The following ZBTB20 variants were observed in gnomAD, a reference collection of about 807,000 sequenced individuals.
ZBTB20 encodes zinc finger and BTB domain-containing protein 20.
In ZBTB20, 9 loss-of-function variants were observed where a neutral mutation model predicts 56.9. The observed-to-expected ratio is 0.16, with a 90% CI of 0.10 to 0.28. The LOEUF (loss-of-function observed/expected upper bound fraction) is 0.28. ZBTB20 is among the 10% of genes least tolerant of loss of function. The pLI is 1.00. For synonymous variants in ZBTB20, 417 were observed against 420.7 expected (o/e 0.99, Z 0.11); for missense variants, 655 against 1,003.0 (o/e 0.65, Z 4.69).
rs184935002 is a variant in ZBTB20 at position 115,121,126 on chromosome 3, G to A, written c.-703+26093C>T. Among the ~76,000 whole-genome samples, 206 of 151,980 alleles carry A rather than the reference G, an allele frequency of 1.4e-3. 4 individuals are homozygous for A. The highest frequency in any genetic ancestry group is 0.012 in the Admixed American group (183 of 15,268). On this transcript the variant is annotated intron_variant, in intron 1 of 11. Coordinates refer to ENST00000675478, the MANE Select transcript of ZBTB20 (RefSeq NM_001348800.3). ...ACAAAATTATAACCCGTTGAGCTAC[G>A]GTCAGTTTTATAAACTGTGCCTAAA...
In ZBTB20 at chr3:114,350,646, G is replaced by C. The variant is rs747623097; in HGVS notation, c.1432C>G (p.Arg478Gly). 6.8e-6 allele frequency: 11 copies of C among 1,614,218 alleles called. No homozygotes were observed. Among genetic ancestry groups the C allele is most frequent in the East Asian group, 2.2e-5 (1 of 44,880 alleles). Residue 478 changes from arginine to glycine, a missense_variant, in exon 11 of 12, where the codon CGC (arginine) becomes GGC (glycine). Physicochemically the swap from Arg to Gly is moderately radical, Grantham distance 125. Transcript: ENST00000675478. ...QPLPSTQLYL[R>G]QTETLTSNLR... ...TTGCTGGTGAGGGTTTCTGTCTGGC[G>C]TAAGTAGAGCTGGGTACTTGGCAAT...
At chr3:114,730,763 C>T (rs2065677469) in intron 5 of ZBTB20, among the ~76,000 whole-genome samples, 1 of 152,162 alleles carries the variant, frequency 6.6e-6, no homozygotes. Flanking sequence ...AGTCCACCCA[C>T]CTTGTGGTAT....
intron 2 of ZBTB20, among the ~76,000 whole-genome samples, chr3:115,020,641 T>C (rs2108300779): frequency 6.6e-6 from 1 of 151,152 alleles, no homozygotes; most frequent in Non-Finnish European, 1.5e-5. Flanking sequence ...GACTTTATTG[T>C]ACTGTACTCA....
At chr3:114,890,411 A>G (rs189941331) in intron 4 of ZBTB20, among the ~76,000 whole-genome samples, 3 of 152,326 alleles carry the variant, frequency 2.0e-5, no homozygotes, top group Admixed American at 1.3e-4. Context: ...ACAGAAACAC[A>G]TGGGAGATCT....
intron 7 of ZBTB20, among the ~76,000 whole-genome samples, chr3:114,395,588 C>G (rs1162206983): frequency 1.3e-5 from 2 of 152,128 alleles, no homozygotes; most frequent in African/African-American, 4.8e-5. Context: ...CCAGCCCCAC[C>G]TCTCTGGAAA....
intron 5 of ZBTB20, among the ~76,000 whole-genome samples, chr3:114,720,487 T>C (rs1365460716): frequency 6.6e-6 from 1 of 152,026 alleles, no homozygotes; most frequent in Admixed American, 6.6e-5. Flanking sequence ...TAGAATCCAT[T>C]AGTAGCCTGG....
intron 5 of ZBTB20, among the ~76,000 whole-genome samples, chr3:114,719,146 C>A (rs112083101): frequency 1.6e-5 from 2 of 121,396 alleles, no homozygotes; most frequent in African/African-American, 6.5e-5. Context: ...GGAAAGTGAG[C>A]ATTTTGGTAG....
intron 6 of ZBTB20, among the ~76,000 whole-genome samples, chr3:114,665,552 C>A (rs1264502059): frequency 6.6e-6 from 1 of 151,942 alleles, no homozygotes; most frequent in East Asian, 1.9e-4. Flanking sequence ...TTTTGGCACT[C>A]ATTAAGTAAA....
chr3:114,649,496 G>T (rs2060014511), intron 6 of ZBTB20, among the ~76,000 whole-genome samples: 1 of 151,882 alleles, frequency 6.6e-6, no homozygotes, highest in Non-Finnish European at 1.5e-5. Context: ...AGTGCATAAT[G>T]GACTCAAGTC....
At chr3:114,905,220 T>C (rs191807339) in intron 3 of ZBTB20, among the ~76,000 whole-genome samples, 315 of 152,042 alleles carry the variant, frequency 2.1e-3, no homozygotes, top group Admixed American at 3.4e-3. Context: ...AATTTAAAAA[T>C]GTATTTAAGA....
intron 1 of ZBTB20, among the ~76,000 whole-genome samples, chr3:115,119,124 G>A (rs2084107604): frequency 6.6e-6 from 1 of 152,050 alleles, no homozygotes; most frequent in Non-Finnish European, 1.5e-5. Flanking sequence ...TAATCACTTA[G>A]ATTATCCTAG....
intron 5 of ZBTB20, among the ~76,000 whole-genome samples, chr3:114,764,227 C>T (rs2068627667): frequency 1.4e-5 from 2 of 144,154 alleles, no homozygotes; most frequent in Non-Finnish European, 3.0e-5. Context: ...CTCTCACAAC[C>T]CCCTTCTACC....
chr3:115,058,438 A>G (rs929371295), intron 2 of ZBTB20, among the ~76,000 whole-genome samples: 3 of 151,724 alleles, frequency 2.0e-5, no homozygotes, highest in Non-Finnish European at 4.4e-5. Flanking sequence ...AATTTGAAAT[A>G]TTTTCAGTGG....
chr3:114,485,758 C>T (rs940737902), intron 7 of ZBTB20, among the ~76,000 whole-genome samples: 1 of 152,080 alleles, frequency 6.6e-6, no homozygotes, highest in South Asian at 2.1e-4. Flanking sequence ...TTTTCCTCTT[C>T]CACCCTTTGC....
chr3:114,883,153 T>C (rs1478770785), intron 4 of ZBTB20, among the ~76,000 whole-genome samples: 2 of 152,192 alleles, frequency 1.3e-5, no homozygotes, highest in African/African-American at 4.8e-5. Flanking sequence ...AAAAATATGT[T>C]TGAGACTTAA....
At chr3:114,748,279 CTTCTTTCT>C (rs147900859) in intron 5 of ZBTB20, among the ~76,000 whole-genome samples, 1,778 of 104,210 alleles carry the variant, frequency 0.017, 58 homozygotes, top group African/African-American at 0.037. Flanking sequence ...TTTGTTGTAG[CTTCTTTCT>C]TTCTTTCTTT....
chr3:114,811,957 G>A (rs756707903), intron 4 of ZBTB20, among the ~76,000 whole-genome samples: 5 of 152,162 alleles, frequency 3.3e-5, no homozygotes, highest in African/African-American at 1.2e-4. Context: ...CGTCTCCGCA[G>A]TTTGTTCCTT....
intron 6 of ZBTB20, among the ~76,000 whole-genome samples, chr3:114,586,126 C>T (rs1394288737): frequency 1.3e-5 from 2 of 152,192 alleles, no homozygotes. Flanking sequence ...TTCTGGCTCC[C>T]ATTAAGGGGA....
chr3:114,887,163 A>C (rs2076631463), intron 4 of ZBTB20, among the ~76,000 whole-genome samples: 1 of 152,146 alleles, frequency 6.6e-6, no homozygotes, highest in Admixed American at 6.5e-5. Flanking sequence ...GAAAAGACTC[A>C]TCCATTCATG....
Sources: allele counts gnomAD v4.1 joint callset (sites outside exome capture counted in the v4.1 genomes callset), GRCh38; gene constraint gnomAD v4.1.1; transcripts MANE v1.5; gene names NCBI Gene and HGNC (gene_info 2026-07-23, HGNC 2026-07-21).